Variants in IRS1 observed in about 807,000 individuals in gnomAD.
IRS1 encodes insulin receptor substrate 1.
Under a neutral mutation model 65.6 loss-of-function variants are expected in IRS1, and 34 were observed. That is an observed-to-expected ratio of 0.52 (90% CI 0.39 to 0.69). The LOEUF (loss-of-function observed/expected upper bound fraction) is 0.69. IRS1 is among the 30% of genes least tolerant of loss of function. The probability of loss-of-function intolerance (pLI) is 0.00; values close to 1 mark genes in which losing one functional copy is unlikely to be tolerated. For synonymous variants in IRS1, 699 were observed against 683.5 expected, an observed-to-expected ratio of 1.02 and a Z score of -0.35; for missense variants, 1,641 against 1,720.2, an observed-to-expected ratio of 0.95 and a Z score of 0.81.
At chr2:226,746,515 A>G (rs1275897442) in intron 1 of IRS1, among the ~76,000 whole-genome samples, 12 of 152,152 alleles carry the variant, frequency 7.9e-5, no homozygotes, top group Admixed American at 7.9e-4. Context: ...TAATGCATCC[A>G]CTGCTTGCAG....
intron 1 of IRS1, among the ~76,000 whole-genome samples, chr2:226,766,864 G>A (rs904853784): frequency 2.0e-5 from 3 of 152,110 alleles, no homozygotes; most frequent in African/African-American, 4.8e-5. Context: ...CAACCCACTA[G>A]CATGCCTTCA....
intron 1 of IRS1, among the ~76,000 whole-genome samples, chr2:226,773,174 C>T (rs1208614004): frequency 1.3e-5 from 2 of 152,062 alleles, no homozygotes; most frequent in Non-Finnish European, 2.9e-5. Context: ...GATATATATT[C>T]CTGTTTTTTA....
chr2:226,781,703 A>T (rs984700575), intron 1 of IRS1, among the ~76,000 whole-genome samples: 3 of 152,158 alleles, frequency 2.0e-5, no homozygotes, highest in African/African-American at 7.2e-5. Context: ...AAGGCCCAAG[A>T]AACAACAAGC....
chr2:226,796,395 C>T lies in IRS1; in HGVS notation c.2344G>A (p.Glu782Lys). The change falls in exon 1 of 2, where the codon GAG becomes AAG. Residue 782 changes from glutamate to lysine, a missense_variant. This residue lies in a region of IRS1 where 1,324 missense variants were observed against 1,361.0 expected (regional missense o/e 0.97). Transcript: ENST00000305123. ...CGGAGGTGCTGATGCCGGGCACCCT[C>T]CTCCGGCTCCCCGGGGCGCTGGGTG... ...KHTQRPGEPEEGARHQHLRLS... is the reference protein window; with the variant it reads ...KHTQRPGEPEKGARHQHLRLS... The T allele has an allele frequency of 6.2e-7, 1 of 1,613,388 alleles. No individual in the cohort carries two copies. The highest frequency in any genetic ancestry group is 8.5e-7 in the Non-Finnish European group (1 of 1,180,044).
chr2:226,775,157 G>A (rs2106173823), intron 1 of IRS1, among the ~76,000 whole-genome samples: 1 of 152,190 alleles, frequency 6.6e-6, no homozygotes, highest in East Asian at 1.9e-4. Context: ...TAATCTAAAT[G>A]TGTTATAAAT....
chr2:226,760,398 A>G (rs1218869230), intron 1 of IRS1, among the ~76,000 whole-genome samples: 1 of 152,222 alleles, frequency 6.6e-6, no homozygotes, highest in Admixed American at 6.5e-5. Context: ...GAGAGAGTTG[A>G]AAATACCCAA....
Position 226,732,552 on chromosome 2 carries a change from ATATC to A in IRS1, c.*3716_*3719del. On this transcript the variant is annotated 3_prime_UTR_variant, in exon 2 of 2. Coordinates refer to ENST00000305123, the MANE Select transcript of IRS1 (RefSeq NM_005544.3). ...TATATATATCTATATATGTGTATATATATCTATATATGTGTGTATATATCTATAT... is the reference window on the plus strand; with the variant it reads ...TATATATATCTATATATGTGTATATATATATATGTGTGTATATATCTATAT... 1.3e-5 allele frequency: 2 copies of A among 149,378 alleles called. No homozygotes were observed. The highest frequency in any genetic ancestry group is 4.9e-5 in the African/African-American group (2 of 40,800). The allele number at this position is 149,378 out of a possible 1,614,324, so 9.3% of individuals were successfully genotyped here. A position where few individuals can be genotyped will look rare whatever the true frequency, so the allele number is the denominator to read the frequency against.
chr2:226,771,665 T>C (rs1939167389), intron 1 of IRS1, among the ~76,000 whole-genome samples: 1 of 152,068 alleles, frequency 6.6e-6, no homozygotes. Context: ...TATACATATA[T>C]AAATCCATCT....
At position 226,797,646 on chromosome 2, in the gene IRS1, G is replaced by A; in HGVS notation, c.1093C>T (p.Leu365=). The A allele has an allele frequency of 6.3e-7, 1 of 1,591,434 alleles. No homozygotes were observed. Among genetic ancestry groups the A allele is most frequent in the Non-Finnish European group, 8.5e-7 (1 of 1,175,162 alleles). Residue 365 remains leucine, a synonymous_variant, in exon 1 of 2, where the codon CTG becomes TTG. Coordinates refer to ENST00000305123, the MANE Select transcript of IRS1 (RefSeq NM_005544.3). The surrounding 1 kb of genome is among the most constrained non-coding windows in gnomAD (Gnocchi z 8.1). ...CGGCTGTGGTTGAGCGGGGGGTGCAGCCGGGCGCTGCCCCGATGCCGGTGG... is the reference window on the plus strand; with the variant it reads ...CGGCTGTGGTTGAGCGGGGGGTGCAACCGGGCGCTGCCCCGATGCCGGTGG... ...HAHRHRGSAR[L]HPPLNHSRSI...
intron 1 of IRS1, among the ~76,000 whole-genome samples, chr2:226,761,028 C>T (rs1401312255): frequency 1.3e-5 from 2 of 152,206 alleles, no homozygotes; most frequent in South Asian, 2.1e-4. Flanking sequence ...CACATATGTG[C>T]ATTTCAGCAG....
At chr2:226,762,483 T>A (rs151049682) in intron 1 of IRS1, among the ~76,000 whole-genome samples, 3 of 152,160 alleles carry the variant, frequency 2.0e-5, no homozygotes, top group African/African-American at 4.8e-5. Context: ...CAGTGAAGCA[T>A]TGGCAAATTT....
intron 1 of IRS1, among the ~76,000 whole-genome samples, chr2:226,737,191 TG>T (rs1938342952): frequency 6.7e-6 from 1 of 149,616 alleles, no homozygotes; most frequent in Non-Finnish European, 1.5e-5. Flanking sequence ...GAATATGCGC[TG>T]TTTGGTTTTT....
At chr2:226,736,644 G>C (rs1938331886) in intron 1 of IRS1, among the ~76,000 whole-genome samples, 1 of 152,176 alleles carries the variant, frequency 6.6e-6, no homozygotes, top group Admixed American at 6.5e-5. Context: ...CCTTCTGGTT[G>C]AAAGTCAGCT....
Position 226,794,419 on chromosome 2 carries a change from A to C in IRS1, c.*21+570T>G, listed in dbSNP as rs1265312513. 6.6e-6 allele frequency among the ~76,000 whole-genome samples: 1 copy of C among 152,086 alleles called. No homozygotes were observed. Among genetic ancestry groups the C allele is most frequent in the Admixed American group, 6.5e-5 (1 of 15,280 alleles). ...AAATACATATTTCTAAAAAGCTCTTACTCCTGATCTTTTTAGGGCAGGATG... is the reference window on the plus strand; with the variant it reads ...AAATACATATTTCTAAAAAGCTCTTCCTCCTGATCTTTTTAGGGCAGGATG... On this transcript the variant is annotated intron_variant, in intron 1 of 1. Transcript: ENST00000305123. This position sits in a 1 kb window ranked among gnomAD's most constrained non-coding sequence, Gnocchi z 4.1.
chr2:226,752,604 C>A (rs2106163308), intron 1 of IRS1, among the ~76,000 whole-genome samples: 1 of 152,354 alleles, frequency 6.6e-6, no homozygotes, highest in African/African-American at 2.4e-5. Context: ...GCCAGAGATA[C>A]TTCCCAAGAG....
At chr2:226,770,914 C>CTTTGG (rs939727851) in intron 1 of IRS1, among the ~76,000 whole-genome samples, 2 of 152,070 alleles carry the variant, frequency 1.3e-5, no homozygotes, top group African/African-American at 4.8e-5. Context: ...AAACTGGACT[C>CTTTGG]TTTGGAAGGC....
chr2:226,763,646 G>A lies in IRS1; in HGVS notation c.*22-27396C>T, dbSNP rs527574522. ...TGGTGAGTGCATCCCATTGCCAATG[G>A]CCCAGGTATCTACGTATTCTGGCCT... On this transcript the variant is annotated intron_variant, in intron 1 of 1. Coordinates refer to ENST00000305123, the MANE Select transcript of IRS1 (RefSeq NM_005544.3). Among the ~76,000 whole-genome samples, 3 of 152,196 alleles carry A rather than the reference G, an allele frequency of 2.0e-5. No individual in the cohort carries two copies. In the East Asian group the frequency reaches 5.8e-4, roughly 29 times the overall value.
rs1209516954 is a variant in IRS1 at position 226,731,593 on chromosome 2, T to C, written c.*4679A>G. ...ATATACATAATACATGTTATAAACA[T>C]ATATACAGTAAATGTTTTGGTAGCA... On this transcript the variant is annotated 3_prime_UTR_variant, in exon 2 of 2. Coordinates refer to ENST00000305123, the MANE Select transcript of IRS1 (RefSeq NM_005544.3). 6.6e-6 allele frequency: 1 copy of C among 152,156 alleles called. No homozygotes were observed. The highest frequency in any genetic ancestry group is 1.5e-5 in the Non-Finnish European group (1 of 68,028). The allele number at this position is 152,156 out of a possible 1,614,324, so 9.4% of individuals were successfully genotyped here.
Position 226,732,497 on chromosome 2 carries a change from C to T in IRS1, c.*3775G>A, listed in dbSNP as rs868606341. The T allele has an allele frequency of 7.7e-3, 1,145 of 147,802 alleles. 22 individuals carry two copies. The highest frequency in any genetic ancestry group is 0.027 in the African/African-American group (1,092 of 39,894). The allele number at this position is 147,802 out of a possible 1,614,324, so 9.2% of individuals were successfully genotyped here. On this transcript the variant is annotated 3_prime_UTR_variant, in exon 2 of 2. Coordinates refer to ENST00000305123, the MANE Select transcript of IRS1 (RefSeq NM_005544.3). The stretch of plus-strand genomic sequence containing the variant: ...ATATATATATATATATATATACACA[C>T]ACACACATATGTGTATCTATATATG...
Sources: gnomAD v4.1 joint callset for allele counts (sites outside exome capture counted in the v4.1 genomes callset) on GRCh38, gnomAD v4.1.1 for gene constraint, gnomAD v4.1.1 regional missense constraint, Gnocchi (gnomAD v3.1) non-coding constraint, MANE v1.5 for transcripts, NCBI Gene and HGNC (gene_info 2026-07-23, HGNC 2026-07-21) for gene names.